Variants in CFAP47 observed in about 807,000 individuals in gnomAD.
CFAP47 encodes the protein cilia and flagella associated protein 47, also known as cilia- and flagella-associated protein 47.
In CFAP47, 29 loss-of-function variants were observed where a neutral mutation model predicts 148.1. The ratio of observed to expected loss-of-function variants is 0.20; its 90% CI spans 0.15 to 0.27. CFAP47 has a LOEUF of 0.27. Among genes scored for constraint, CFAP47 ranks in the 10% least tolerant of loss-of-function variants. The probability of loss-of-function intolerance (pLI) is 1.00; values close to 1 mark genes in which losing one functional copy is unlikely to be tolerated. For missense variants in CFAP47, 1,872 were observed against 1,697.5 expected (o/e 1.10, Z -1.81); for synonymous variants, 664 against 577.3 (o/e 1.15, Z -2.15).
chrX:36,298,517 A>G (rs1219312421), intron 51 of CFAP47, among the ~76,000 whole-genome samples: 2 of 108,246 alleles, frequency 1.8e-5, no homozygotes, highest in African/African-American at 6.8e-5. Context: ...TATGTAACTA[A>G]CCTGCACAAT....
intron 62 of CFAP47, among the ~76,000 whole-genome samples, chrX:36,372,730 C>A (rs1941984145): frequency 8.9e-6 from 1 of 111,962 alleles, no homozygotes; most frequent in African/African-American, 3.2e-5. Flanking sequence ...ATGTACAGTT[C>A]ATCATTGACC....
At chrX:36,371,878 A>G (rs1428837788) in intron 62 of CFAP47, among the ~76,000 whole-genome samples, 1 of 84,110 alleles carries the variant, frequency 1.2e-5, no homozygotes, top group Non-Finnish European at 2.3e-5. Context: ...ACATGTGTAT[A>G]TATGTGTGCA....
At chrX:35,955,724 G>A (rs1304484316) in intron 7 of CFAP47, among the ~76,000 whole-genome samples, 4 of 111,904 alleles carry the variant, frequency 3.6e-5, no homozygotes, top group Non-Finnish European at 7.5e-5. Flanking sequence ...GTTGATTATT[G>A]TCAATGTCAC....
chrX:36,371,766 A>G (rs1449922027), intron 62 of CFAP47, among the ~76,000 whole-genome samples: 3 of 55,448 alleles, frequency 5.4e-5, no homozygotes, highest in Admixed American at 1.6e-4. Flanking sequence ...ACATGTGTGT[A>G]TATACACACA....
At chrX:36,172,976 C>A (rs1185209540) in intron 39 of CFAP47, among the ~76,000 whole-genome samples, 5 of 110,755 alleles carry the variant, frequency 4.5e-5, no homozygotes, top group Admixed American at 2.9e-4. Context: ...ACAATTTCAG[C>A]TCCTGTTATT....
intron 45 of CFAP47, among the ~76,000 whole-genome samples, chrX:36,224,694 A>C (rs1428099224): frequency 1.8e-5 from 2 of 111,881 alleles, no homozygotes; most frequent in Admixed American, 9.5e-5. Context: ...CTGAGATCCA[A>C]AGACCACAGT....
chrX:36,196,047 ATGT>A (rs1296772471), intron 42 of CFAP47, among the ~76,000 whole-genome samples: 1 of 111,756 alleles, frequency 8.9e-6, no homozygotes, highest in African/African-American at 3.2e-5. Context: ...CCTGCAATTA[ATGT>A]TGTGTCAAAA....
chrX:36,298,483 G>A (rs1207269100), intron 51 of CFAP47, among the ~76,000 whole-genome samples: 3 of 106,107 alleles, frequency 2.8e-5, no homozygotes, highest in African/African-American at 3.4e-5. Flanking sequence ...TGGGTGCAGC[G>A]CACCAGCGTG....
intron 26 of CFAP47, among the ~76,000 whole-genome samples, chrX:36,058,994 G>C (rs1289817903): frequency 8.9e-6 from 1 of 112,043 alleles, no homozygotes; most frequent in East Asian, 2.8e-4. Context: ...TTTCATGATA[G>C]GAATTCAGAC....
chrX:35,958,077 A>G (rs1230312574), intron 8 of CFAP47, among the ~76,000 whole-genome samples: 5 of 111,143 alleles, frequency 4.5e-5, no homozygotes, highest in African/African-American at 1.6e-4. Context: ...GTATTAATCT[A>G]TTCTCTCTGT....
rs1941884690 is a variant in CFAP47, at chrX:36,367,067, T to C, written c.9125T>C (p.Ile3042Thr). ...CCTGATACGGATGCTGTCATTGACA[T>C]TGAAGGAGTTGGTTTATTTAAGGAA... ...TEPDTDAVID[I>T]EGVGLFKESV... Residue 3042 changes from isoleucine (I) to threonine (T), a missense_variant, in exon 62 of 64, where the codon ATT (isoleucine) becomes ACT (threonine). Physicochemically the swap from Ile to Thr is moderately conservative, Grantham distance 89. Coordinates refer to ENST00000378653, the MANE Select transcript of CFAP47 (RefSeq NM_001304548.2). 12 of 1,159,763 alleles carry C rather than the reference T, an allele frequency of 1.0e-5. No individual in the cohort carries two copies. The highest frequency in any genetic ancestry group is 1.4e-5 in the Non-Finnish European group (12 of 867,455).
chrX:35,920,882 T>G (rs2146605032), intron 1 of CFAP47, among the ~76,000 whole-genome samples: 1 of 112,089 alleles, frequency 8.9e-6, no homozygotes, highest in African/African-American at 3.2e-5. Flanking sequence ...TGTCCGTAAT[T>G]TTAGATTAAA....
intron 62 of CFAP47, among the ~76,000 whole-genome samples, chrX:36,367,639 A>G (rs985635494): frequency 5.4e-5 from 6 of 111,877 alleles, no homozygotes; most frequent in African/African-American, 1.9e-4. Context: ...AAATTCATTT[A>G]TTGTAAATGT....
At chrX:36,095,204 C>T (rs1601974393) in intron 30 of CFAP47, among the ~76,000 whole-genome samples, 2 of 111,466 alleles carry the variant, frequency 1.8e-5, no homozygotes, top group East Asian at 5.6e-4. Flanking sequence ...ACATTGCATA[C>T]ATTAAACCAT....
intron 60 of CFAP47, among the ~76,000 whole-genome samples, chrX:36,356,917 G>T (rs1371359755): frequency 8.9e-6 from 1 of 112,145 alleles, no homozygotes; most frequent in Non-Finnish European, 1.9e-5. Flanking sequence ...CAAAGTGTTA[G>T]CTTTATTAAT....
intron 16 of CFAP47, among the ~76,000 whole-genome samples, chrX:35,991,273 G>T (rs1379680391): frequency 1.8e-5 from 2 of 110,694 alleles, no homozygotes; most frequent in African/African-American, 6.6e-5. Context: ...GCATAGTCTA[G>T]CTTCCCTCTG....
chrX:35,945,934 G>A lies in CFAP47; in HGVS notation c.518-2380G>A, dbSNP rs192801820. ...GTCACCCAGGCTGGAGTGCAGCGGC[G>A]TGCTCTTGGCTCACTGCAACCTCCG... On this transcript the variant is annotated intron_variant, in intron 3 of 63. Transcript: ENST00000378653. Among the ~76,000 whole-genome samples the A allele has an allele frequency of 1.1e-3, 112 of 98,837 alleles. No individual in the cohort carries two copies. The East Asian group carries it at 0.018, about 16-fold the overall frequency. The allele number at this position is 98,837 out of a possible 115,157, so 85.8% of individuals were successfully genotyped here. A position where few individuals can be genotyped will look rare whatever the true frequency, so the allele number is the denominator to read the frequency against.
chrX:35,954,266 A>G (rs1375013722), intron 7 of CFAP47, among the ~76,000 whole-genome samples: 2 of 110,992 alleles, frequency 1.8e-5, no homozygotes, highest in African/African-American at 6.5e-5. Context: ...AGTGAGGAAA[A>G]AAATGGAATG....
At chrX:35,937,104 G>GTTTTTTTTTT (rs377601530) in intron 2 of CFAP47, among the ~76,000 whole-genome samples, 2 of 55,542 alleles carry the variant, frequency 3.6e-5, no homozygotes, top group Non-Finnish European at 7.1e-5. Context: ...TGCAATTGCT[G>GTTTTTTTTTT]TTTTTTTTTT....
Sources: allele counts gnomAD v4.1 joint callset (sites outside exome capture counted in the v4.1 genomes callset), GRCh38; gene constraint gnomAD v4.1.1; transcripts MANE v1.5; gene names NCBI Gene and HGNC (gene_info 2026-07-23, HGNC 2026-07-21).